The following AGBL4 variants were observed in gnomAD, a reference collection of about 807,000 sequenced individuals.
The protein encoded by AGBL4 is cytosolic carboxypeptidase 6.
AGBL4 carries 58 observed loss-of-function variants against 66.4 expected under a neutral mutation model. The ratio of observed to expected loss-of-function variants is 0.87; its 90% CI spans 0.71 to 1.09. The LOEUF (loss-of-function observed/expected upper bound fraction) is 1.09. Among genes scored for constraint, AGBL4 ranks in the 50% least tolerant of loss-of-function variants. The pLI, the probability that AGBL4 is intolerant of heterozygous loss-of-function variation, is 0.00. For missense variants in AGBL4, 579 were observed against 631.0 expected (o/e 0.92, Z 0.88); for synonymous variants, 234 against 222.9 (o/e 1.05, Z -0.44).
At chr1:48,817,827 G>T in intron 6 of AGBL4, 1 of 573,946 alleles carries the variant, frequency 1.7e-6, no homozygotes, top group Non-Finnish European at 3.1e-6. Flanking sequence ...CAGCACCTAG[G>T]ACTAACCTCA....
chr1:48,843,025 A>G (rs1015592401), intron 6 of AGBL4, among the ~76,000 whole-genome samples: 4 of 152,088 alleles, frequency 2.6e-5, no homozygotes, highest in East Asian at 3.8e-4. Flanking sequence ...GGGGAAGGGG[A>G]AAAAGGGGAG....
chr1:49,407,015 A>G (rs1193127368), intron 3 of AGBL4, among the ~76,000 whole-genome samples: 1 of 143,006 alleles, frequency 7.0e-6, no homozygotes, highest in East Asian at 2.3e-4. Flanking sequence ...CAGTGAGCCG[A>G]GATAACGCCA....
chr1:49,812,343 T>C (rs572762240), intron 2 of AGBL4, among the ~76,000 whole-genome samples: 1 of 152,252 alleles, frequency 6.6e-6, no homozygotes, highest in Admixed American at 6.5e-5. Context: ...CCTCTGAGCA[T>C]GATTTCCTCC....
intron 6 of AGBL4, among the ~76,000 whole-genome samples, chr1:48,858,653 C>A (rs551179886): frequency 6.6e-6 from 1 of 152,158 alleles, no homozygotes; most frequent in African/African-American, 2.4e-5. Context: ...AAAGTTATAA[C>A]AGCGGTTGCC....
intron 1 of AGBL4, among the ~76,000 whole-genome samples, chr1:49,924,550 T>C (rs1035343029): frequency 8.5e-5 from 13 of 152,148 alleles, no homozygotes; most frequent in Admixed American, 8.5e-4. Context: ...CAAATATTTA[T>C]TTAGCATTTA....
chr1:48,748,956 C>T (rs1178156150), intron 6 of AGBL4, among the ~76,000 whole-genome samples: 2 of 152,090 alleles, frequency 1.3e-5, no homozygotes, highest in African/African-American at 2.4e-5. Flanking sequence ...GCAGCTGACA[C>T]AGATGCCTCC....
chr1:49,552,203 T>C (rs2148839476), intron 3 of AGBL4, among the ~76,000 whole-genome samples: 1 of 152,292 alleles, frequency 6.6e-6, no homozygotes, highest in Admixed American at 6.5e-5. Context: ...TGAGCCAGGC[T>C]TGAGAACTTA....
At chr1:49,129,296 TTG>T (rs1453064075) in intron 4 of AGBL4, among the ~76,000 whole-genome samples, 28 of 47,368 alleles carry the variant, frequency 5.9e-4, no homozygotes, top group Middle Eastern at 0.024. Flanking sequence ...GTTTTTTTTG[TTG>T]TTGTTGTTGT....
chr1:48,587,282 G>A, intron 10 of AGBL4, 116 bp from the exon 11 acceptor site: 1 of 968,670 alleles, frequency 1.0e-6, no homozygotes, highest in Non-Finnish European at 1.5e-6. Context: ...TGGGATATTA[G>A]CCCCTCATCA....
intron 3 of AGBL4, among the ~76,000 whole-genome samples, chr1:49,556,153 G>C (rs1331098032): frequency 2.0e-5 from 3 of 152,096 alleles, no homozygotes; most frequent in Non-Finnish European, 2.9e-5. Flanking sequence ...TTATAGACTG[G>C]ATTAAGAAAA....
rs148565819 is a variant in AGBL4 at position 48,722,947 on chromosome 1, C to A, written c.635-59706G>T. Among the ~76,000 whole-genome samples, 320 of 152,290 alleles carry A rather than the reference C, an allele frequency of 2.1e-3. 1 individual carries two copies. The highest frequency in any genetic ancestry group is 6.8e-3 in the Middle Eastern group (2 of 294). On this transcript the variant is annotated intron_variant, in intron 6 of 13. Transcript: ENST00000371839. ...TCACATTATCTTACTTAACTCTTGA[C>A]ATAATCCTGTGAGATAGATATTACT...
chr1:48,546,149 C>T (rs1362022220), intron 11 of AGBL4, among the ~76,000 whole-genome samples: 1 of 152,160 alleles, frequency 6.6e-6, no homozygotes, highest in African/African-American at 2.4e-5. Flanking sequence ...TATCACCAAT[C>T]CTCACCAAAG....
chr1:50,017,502 A>G (rs1013716016), intron 1 of AGBL4: 1 of 152,216 alleles, frequency 6.6e-6, no homozygotes, highest in Non-Finnish European at 1.5e-5. Flanking sequence ...CTACTCCTCA[A>G]TTATTATATA....
intron 4 of AGBL4, among the ~76,000 whole-genome samples, chr1:49,230,292 A>T (rs1650213731): frequency 6.6e-6 from 1 of 152,154 alleles, no homozygotes; most frequent in African/African-American, 2.4e-5. Context: ...CAAAATCTGA[A>T]AATCTATATT....
intron 11 of AGBL4, among the ~76,000 whole-genome samples, chr1:48,542,650 G>C (rs531167303): frequency 6.6e-6 from 1 of 152,314 alleles, no homozygotes; most frequent in East Asian, 1.9e-4. Flanking sequence ...CTTTGGAGAA[G>C]TGTCTGTTCA....
At chr1:49,277,839 T>C (rs1368232812) in intron 3 of AGBL4, among the ~76,000 whole-genome samples, 4 of 152,164 alleles carry the variant, frequency 2.6e-5, no homozygotes, top group Non-Finnish European at 5.9e-5. Context: ...CCCATATTGT[T>C]TTCTCTGTTT....
At chr1:49,495,004 T>A (rs1010605351) in intron 3 of AGBL4, among the ~76,000 whole-genome samples, 1 of 152,102 alleles carries the variant, frequency 6.6e-6, no homozygotes, top group African/African-American at 2.4e-5. Context: ...ATTGTCTTAT[T>A]AAAATATAAT....
chr1:49,046,088 A>G (rs1389363612), intron 4 of AGBL4, among the ~76,000 whole-genome samples: 1 of 152,222 alleles, frequency 6.6e-6, no homozygotes, highest in Non-Finnish European at 1.5e-5. Flanking sequence ...AGCACTTAAC[A>G]TATGTGGCAT....
intron 3 of AGBL4, among the ~76,000 whole-genome samples, chr1:49,561,481 C>A (rs1644042964): frequency 6.6e-6 from 1 of 151,772 alleles, no homozygotes; most frequent in South Asian, 2.1e-4. Context: ...CAACAGTCCC[C>A]ACTGTGTGAT....
Sources: gnomAD v4.1 joint callset for allele counts (sites outside exome capture counted in the v4.1 genomes callset) on GRCh38, gnomAD v4.1.1 for gene constraint, MANE v1.5 for transcripts, NCBI Gene and HGNC (gene_info 2026-07-23, HGNC 2026-07-21) for gene names.